Variants in UNC5C observed in about 807,000 individuals in gnomAD.
UNC5C encodes unc-5 netrin receptor C.
In UNC5C, 47 loss-of-function variants were observed where a neutral mutation model predicts 99.8. That is an observed-to-expected ratio of 0.47 (90% CI 0.37 to 0.60). The LOEUF is 0.60. Ranked by LOEUF, UNC5C falls within the 20% of genes least tolerant of loss-of-function variation. The probability of loss-of-function intolerance (pLI) is 0.00; values close to 1 mark genes in which losing one functional copy is unlikely to be tolerated. For missense variants in UNC5C, 1,062 were observed against 1,165.9 expected, an observed-to-expected ratio of 0.91 and a Z score of 1.30; for synonymous variants, 487 against 452.2, an observed-to-expected ratio of 1.08 and a Z score of -0.98.
In UNC5C at chr4:95,219,119, A is replaced by T. The variant is rs1260138439; in HGVS notation, c.1495T>A (p.Ser499Thr). ...TGGGTCATCTGAGGGGACAGCTTGG[A>T]CGTAAACTCAGAGAGGTCATCTTGG... is the stretch of plus-strand genomic sequence containing the variant. ...TPQDDLSEFT[S>T]KLSPQMTQSL... The change falls in exon 9 of 16, where the codon TCC (serine) becomes ACC (threonine). Residue 499 changes from serine (S) to threonine (T), a missense_variant. By Grantham distance (58) the Ser-to-Thr change is moderately conservative. Transcript: ENST00000453304. 6.2e-7 allele frequency: 1 copy of T among 1,614,094 alleles called. No individual in the cohort carries two copies. Among genetic ancestry groups the T allele is most frequent in the Admixed American group, 1.7e-5 (1 of 60,014 alleles).
At chr4:95,232,273 A>G (rs1326655990) in intron 7 of UNC5C, among the ~76,000 whole-genome samples, 1 of 148,874 alleles carries the variant, frequency 6.7e-6, no homozygotes, top group African/African-American at 2.5e-5. Flanking sequence ...ATTATAAAAC[A>G]TATTATATAT....
rs1747006228 is a variant in UNC5C at position 95,443,370 on chromosome 4, G to A, written c.124+105364C>T. 2.0e-5 allele frequency among the ~76,000 whole-genome samples: 3 copies of A among 152,000 alleles called. No individual in the cohort carries two copies. In the South Asian group the frequency reaches 6.3e-4, roughly 32 times the overall value. On this transcript the variant is annotated intron_variant, in intron 1 of 15. Transcript: ENST00000453304. ...ATTAGAAACTACCAGAGAGTAACAG[G>A]GTACCTATTTTTGCTACTCACAGTA... is the stretch of plus-strand genomic sequence containing the variant.
At chr4:95,258,133 G>A (rs1740075661) in intron 4 of UNC5C, among the ~76,000 whole-genome samples, 1 of 152,056 alleles carries the variant, frequency 6.6e-6, no homozygotes, top group South Asian at 2.1e-4. Flanking sequence ...TATATACACT[G>A]TATATAAAAT....
At position 95,218,880 on chromosome 4, in the gene UNC5C, A is replaced by T. The variant is rs1738353958; in HGVS notation, c.1645+89T>A. ...AGGTCACATTTAACATTTCAGGCCT[A>T]ATGAAAACATCCCACGAACAAAAAA... On this transcript the variant is annotated intron_variant, in intron 9 of 15. Transcript: ENST00000453304. 7 of 1,304,704 alleles carry T rather than the reference A, an allele frequency of 5.4e-6. No homozygotes were observed. In the African/African-American group the frequency reaches 1.0e-4, roughly 19 times the overall value. 80.8% of individuals were successfully genotyped at this position (1,304,704 alleles called of 1,614,324 possible). A position where few individuals can be genotyped will look rare whatever the true frequency, so the allele number is the denominator to read the frequency against.
intron 1 of UNC5C, among the ~76,000 whole-genome samples, chr4:95,356,226 A>AAAC (rs1744197393): frequency 1.4e-5 from 2 of 144,812 alleles, no homozygotes; most frequent in South Asian, 2.2e-4. Flanking sequence ...AACAAAAAAA[A>AAAC]AACAGATTCC....
chr4:95,340,795 T>C (rs1293609652), intron 1 of UNC5C, among the ~76,000 whole-genome samples: 2 of 152,168 alleles, frequency 1.3e-5, no homozygotes, highest in African/African-American at 2.4e-5. Context: ...TAAGCCTTCA[T>C]GAACTCTGAC....
chr4:95,329,433 G>A (rs1201664252), intron 2 of UNC5C, among the ~76,000 whole-genome samples: 1 of 152,190 alleles, frequency 6.6e-6, no homozygotes, highest in Admixed American at 6.5e-5. Context: ...TAACTAATCA[G>A]TGAAATCTAT....
At chr4:95,280,808 C>T (rs1302073030) in intron 3 of UNC5C, among the ~76,000 whole-genome samples, 1 of 152,146 alleles carries the variant, frequency 6.6e-6, no homozygotes. Context: ...ACCAAATTAC[C>T]TGGAGCCTCA....
chr4:95,359,895 C>T (rs1288309548), intron 1 of UNC5C, among the ~76,000 whole-genome samples: 3 of 152,170 alleles, frequency 2.0e-5, no homozygotes, highest in Non-Finnish European at 2.9e-5. Flanking sequence ...TATTTTCCCT[C>T]ATTTAATTCT....
chr4:95,247,669 T>A (rs1254358795), intron 5 of UNC5C, among the ~76,000 whole-genome samples: 1 of 152,186 alleles, frequency 6.6e-6, no homozygotes, highest in Non-Finnish European at 1.5e-5. Flanking sequence ...GACCCAATAT[T>A]CCTGACCCCA....
At chr4:95,509,980 T>C (rs979319527) in intron 1 of UNC5C, among the ~76,000 whole-genome samples, 1 of 151,944 alleles carries the variant, frequency 6.6e-6, no homozygotes, top group African/African-American at 2.4e-5. Context: ...ACACTTGACA[T>C]GTAATAGAAG....
intron 3 of UNC5C, among the ~76,000 whole-genome samples, chr4:95,298,548 C>T (rs1741756784): frequency 2.6e-5 from 4 of 152,116 alleles, no homozygotes; most frequent in African/African-American, 7.2e-5. Flanking sequence ...TGCCTGATTC[C>T]CTCTTGCCCC....
At chr4:95,375,177 T>A (rs1744856750) in intron 1 of UNC5C, among the ~76,000 whole-genome samples, 1 of 151,968 alleles carries the variant, frequency 6.6e-6, no homozygotes, top group South Asian at 2.1e-4. Flanking sequence ...AATTAAGAAA[T>A]GATGAGAGAA....
intron 5 of UNC5C, 112 bp from the exon 6 acceptor site, chr4:95,245,256 A>C: frequency 7.8e-7 from 1 of 1,279,080 alleles, no homozygotes; most frequent in Non-Finnish European, 1.0e-6. Context: ...CCAAGCGACC[A>C]TTATAAAAAT....
At chr4:95,309,660 C>A (rs1742204503) in intron 2 of UNC5C, among the ~76,000 whole-genome samples, 1 of 151,920 alleles carries the variant, frequency 6.6e-6, no homozygotes, top group Admixed American at 6.6e-5. Context: ...ATACAAATGG[C>A]CAAGGGTATA....
chr4:95,171,321 G>A, intron 14 of UNC5C, among the ~76,000 whole-genome samples: 1 of 150,552 alleles, frequency 6.6e-6, no homozygotes. Flanking sequence ...CCATGCTGGT[G>A]CGCTGCACCC....
At chr4:95,309,605 A>C (rs751855504) in intron 2 of UNC5C, among the ~76,000 whole-genome samples, 3 of 152,194 alleles carry the variant, frequency 2.0e-5, no homozygotes, top group Non-Finnish European at 2.9e-5. Context: ...AACCCAATTA[A>C]AAAACTGGGC....
At chr4:95,527,911 A>T (rs1007327396) in intron 1 of UNC5C, among the ~76,000 whole-genome samples, 4 of 152,104 alleles carry the variant, frequency 2.6e-5, no homozygotes, top group Non-Finnish European at 5.9e-5. Context: ...CAACATTCCT[A>T]TTCCTAAAAC....
At chr4:95,266,584 TTACTGC>T (rs1372474294) in intron 4 of UNC5C, among the ~76,000 whole-genome samples, 1 of 152,194 alleles carries the variant, frequency 6.6e-6, no homozygotes, top group African/African-American at 2.4e-5. Context: ...AGTTTCGCTG[TTACTGC>T]TATTTTATAA....
Sources: gnomAD v4.1 joint callset for allele counts (sites outside exome capture counted in the v4.1 genomes callset) on GRCh38, gnomAD v4.1.1 for gene constraint, MANE v1.5 for transcripts, NCBI Gene and HGNC (gene_info 2026-07-23, HGNC 2026-07-21) for gene names.